Variants in ZNF687 observed in about 807,000 individuals in gnomAD.
ZNF687 encodes zinc finger protein 687.
ZNF687 carries 13 observed loss-of-function variants against 71.8 expected under a neutral mutation model. The ratio of observed to expected loss-of-function variants is 0.18; its 90% CI spans 0.12 to 0.29. The LOEUF (loss-of-function observed/expected upper bound fraction) is 0.29. ZNF687 is among the 10% of genes least tolerant of loss of function. The pLI, the probability that ZNF687 is intolerant of heterozygous loss-of-function variation, is 1.00. For missense variants in ZNF687, 1,412 were observed against 1,625.6 expected, an observed-to-expected ratio of 0.87 and a Z score of 2.26; for synonymous variants, 673 against 641.6, an observed-to-expected ratio of 1.05 and a Z score of -0.74.
Position 151,291,824 on chromosome 1 carries a change from T to C in ZNF687, c.*615T>C, listed in dbSNP as rs2101892443. The C allele has an allele frequency of 6.6e-6, 1 of 152,580 alleles. No homozygotes were observed. The highest frequency in any genetic ancestry group is 2.1e-4 in the South Asian group (1 of 4,820). 9.5% of individuals were successfully genotyped at this position (152,580 alleles called of 1,614,324 possible). The stretch of plus-strand genomic sequence containing the variant: ...CAGGCTCTCAGGAATCCTTTATTCT[T>C]GTAGTAATAATAATACTAACAAACA... On this transcript the variant is annotated 3_prime_UTR_variant, in exon 9 of 9. Coordinates refer to ENST00000336715, the MANE Select transcript of ZNF687 (RefSeq NM_020832.3).
Position 151,290,788 on chromosome 1 carries a change from A to G in ZNF687, c.3293A>G (p.Lys1098Arg), listed in dbSNP as rs746830644. The stretch of plus-strand genomic sequence containing the variant: ...CCTGACAGCACGACACCGCCAGCCA[A>G]GTCCCCCAGGGGCGGACCTGGATCT... ...EEPDSTTPPA[K>R]SPRGGPGSGG... Residue 1098 changes from lysine (K) to arginine (R), a missense_variant, in exon 9 of 9, where the codon AAG (lysine) becomes AGG (arginine). Transcript: ENST00000336715. 3 of 1,613,740 alleles carry G rather than the reference A, an allele frequency of 1.9e-6. No individual in the cohort carries two copies. The highest frequency in any genetic ancestry group is 1.3e-5 in the African/African-American group (1 of 75,044).
chr1:151,287,564 G>C lies in ZNF687; in HGVS notation c.1273G>C (p.Val425Leu). ...MAASVARKAV[V>L]LPGGTATSPK... ...AGCCAGTGTGGCTCGCAAGGCTGTGGTGCTGCCTGGGGGGACTGCCACCAG... is the reference window on the plus strand; with the variant it reads ...AGCCAGTGTGGCTCGCAAGGCTGTGCTGCTGCCTGGGGGGACTGCCACCAG... The change falls in exon 2 of 9, where the codon GTG becomes CTG. Residue 425 changes from valine (V) to leucine (L), a missense_variant. Val to Leu is a conservative substitution (Grantham distance 32). This residue lies in a region of ZNF687 where 133 missense variants were observed against 155.1 expected (regional missense o/e 0.86). Transcript: ENST00000336715. This position sits in a 1 kb window ranked among gnomAD's most constrained non-coding sequence, Gnocchi z 5.0. The C allele has an allele frequency of 6.2e-7, 1 of 1,614,076 alleles. No individual in the cohort carries two copies. The highest frequency in any genetic ancestry group is 1.1e-5 in the South Asian group (1 of 91,084).
chr1:151,286,821 T>G lies in ZNF687; in HGVS notation c.530T>G (p.Leu177Arg). 6.2e-7 allele frequency: 1 copy of G among 1,614,182 alleles called. No individual in the cohort carries two copies. Among genetic ancestry groups the G allele is most frequent in the Non-Finnish European group, 8.5e-7 (1 of 1,180,012 alleles). The part of the protein sequence containing the change: ...GPEPGDHSDP[L>R]PPSAPSPTRE... ...GAGCCAGGGGACCACTCAGATCCGC[T>G]GCCTCCCTCTGCACCCTCTCCCACT... The change falls in exon 2 of 9, where the codon CTG (leucine) becomes CGG (arginine). Residue 177 changes from leucine (L) to arginine (R), a missense_variant. This residue lies in a region of ZNF687 where 490 missense variants were observed against 489.9 expected (regional missense o/e 1.00). Coordinates refer to ENST00000336715, the MANE Select transcript of ZNF687 (RefSeq NM_020832.3).
rs774137890 is a variant in ZNF687, at chr1:151,286,689, C to T, written c.398C>T (p.Ser133Phe). 3.7e-5 allele frequency: 59 copies of T among 1,614,088 alleles called. No individual in the cohort carries two copies. Among genetic ancestry groups the T allele is most frequent in the Non-Finnish European group, 4.7e-5 (56 of 1,180,038 alleles). Reference sequence around the variant, plus strand: ...AATGGTTTTGGGAGCCCTGAACCTTCCCTCCCAGGAACTCCCCACTCTCCT... The same window carrying T: ...AATGGTTTTGGGAGCCCTGAACCTTTCCTCCCAGGAACTCCCCACTCTCCT... ...MQNGFGSPEP[S>F]LPGTPHSPAP... The change falls in exon 2 of 9, where the codon TCC (serine) becomes TTC (phenylalanine). Residue 133 changes from serine to phenylalanine, a missense_variant. This residue lies in a region of ZNF687 where 490 missense variants were observed against 489.9 expected (regional missense o/e 1.00). Coordinates refer to ENST00000336715, the MANE Select transcript of ZNF687 (RefSeq NM_020832.3).
intron 8 of ZNF687, 69 bp downstream of exon 8, chr1:151,290,642 C>T: frequency 6.3e-7 from 1 of 1,580,980 alleles, no homozygotes. Flanking sequence ...ACCATGGCCT[C>T]AGGAAGCGAG....
Position 151,287,279 on chromosome 1 carries a change from G to T in ZNF687, c.988G>T (p.Val330Leu), listed in dbSNP as rs1302521794. 6.2e-7 allele frequency: 1 copy of T among 1,614,166 alleles called. No individual in the cohort carries two copies. ...PASSSSRPLK[V>L]RIKTIKTSCG... The stretch of plus-strand genomic sequence containing the variant: ...CTCCAGCTCCTCTAGGCCTCTTAAG[G>T]TGCGGATCAAGACCATTAAAACATC... Residue 330 changes from valine to leucine, a missense_variant, in exon 2 of 9, where the codon GTG becomes TTG. Val to Leu is a conservative substitution (Grantham distance 32). Coordinates refer to ENST00000336715, the MANE Select transcript of ZNF687 (RefSeq NM_020832.3). This position sits in a 1 kb window ranked among gnomAD's most constrained non-coding sequence, Gnocchi z 5.0.
chr1:151,290,134 T>G lies in ZNF687; in HGVS notation c.2977T>G (p.Phe993Val). ...KKEHGKSVKK[F>V]PCRLCERSFC... ...CCTGCTCTCCTAGTCAGTGAAAAAG[T>G]TCCCCTGTCGCCTGTGTGAGCGCTC... Residue 993 changes from phenylalanine to valine, a missense_variant, in exon 7 of 9, where the codon TTC (phenylalanine) becomes GTC (valine). Transcript: ENST00000336715. The G allele has an allele frequency of 6.2e-7, 1 of 1,613,982 alleles. No individual in the cohort carries two copies.
In ZNF687 at chr1:151,289,699, T is replaced by C. The variant is rs1694117479; in HGVS notation, c.2656T>C (p.Leu886=). The change falls in exon 6 of 9, where the codon TTG becomes CTG. Residue 886 remains leucine (L), a synonymous_variant. Transcript: ENST00000336715. ...ACAGAACACCCATCAGTCTGGGCGC[T>C]TGGAGGAGACTGCTGGGAAAGGGGC... The part of the protein sequence containing the change: ...HLKNTHQSGR[L]EETAGKGAGG... 1 of 1,566,502 alleles carries C rather than the reference T, an allele frequency of 6.4e-7. No homozygotes were observed. The highest frequency in any genetic ancestry group is 8.7e-7 in the Non-Finnish European group (1 of 1,154,390).
At chr1:151,282,087 C>T, upstream of ZNF687, 1 of 1,282,642 alleles carries the variant, frequency 7.8e-7, no homozygotes. Flanking sequence ...GAGGTATCTT[C>T]AGAGGGCCTC....
At chr1:151,283,068 C>G in intron 1 of ZNF687, 1 of 982,296 alleles carries the variant, frequency 1.0e-6, no homozygotes. Flanking sequence ...CCCAAAGGGC[C>G]TGGCCTGGCT....
rs763163053 is a variant in ZNF687 at position 151,291,196 on chromosome 1, T to C, written c.3701T>C (p.Val1234Ala). 3.7e-6 allele frequency: 6 copies of C among 1,610,222 alleles called. No homozygotes were observed. The highest frequency in any genetic ancestry group is 5.1e-6 in the Non-Finnish European group (6 of 1,178,140). Reference protein sequence around the residue: ...MAFIRARQGAVGDN With the variant: ...MAFIRARQGAAGDN The stretch of plus-strand genomic sequence containing the variant: ...TTCATCAGGGCTCGGCAGGGGGCTG[T>C]TGGGGACAACTAGTCTCCAAGGCCT... Residue 1234 changes from valine to alanine, a missense_variant, in exon 9 of 9, where the codon GTT (valine) becomes GCT (alanine). By Grantham distance (64) the Val-to-Ala change is moderately conservative. Coordinates refer to ENST00000336715, the MANE Select transcript of ZNF687 (RefSeq NM_020832.3).
chr1:151,289,390 G>A lies in ZNF687; in HGVS notation c.2484G>A (p.Lys828=), dbSNP rs587670604. Reference sequence around the variant, plus strand: ...GTCCTCACTTCAGGCTGATCTACAAGTGCGCCATGTGCGACACAGTCTTCA... The same window carrying A: ...GTCCTCACTTCAGGCTGATCTACAAATGCGCCATGTGCGACACAGTCTTCA... ...FQTQQAKLIY[K]CAMCDTVFTH... is the part of the protein sequence containing the mutation. Residue 828 remains lysine, a synonymous_variant, in exon 5 of 9, where the codon AAG becomes AAA. Coordinates refer to ENST00000336715, the MANE Select transcript of ZNF687 (RefSeq NM_020832.3). 5.6e-4 allele frequency: 906 copies of A among 1,614,168 alleles called. 15 individuals carry two copies. The South Asian group carries it at 9.2e-3, about 16-fold the overall frequency.
chr1:151,283,389 A>G, intron 1 of ZNF687: 1 of 852,282 alleles, frequency 1.2e-6, no homozygotes, highest in Non-Finnish European at 1.4e-6. Flanking sequence ...CTTTTGGGGA[A>G]CCACAGAGGG....
chr1:151,281,685 C>T (rs1693718018), upstream of ZNF687: 1 of 449,748 alleles, frequency 2.2e-6, no homozygotes. Context: ...GCGATTTAGA[C>T]GGTGGGAAGA....
At position 151,291,518 on chromosome 1, in the gene ZNF687, G is replaced by A; in HGVS notation, c.*309G>A. On this transcript the variant is annotated 3_prime_UTR_variant, in exon 9 of 9. Coordinates refer to ENST00000336715, the MANE Select transcript of ZNF687 (RefSeq NM_020832.3). Reference sequence around the variant, plus strand: ...GGGTGGGAGGATGGGACTTAGGTATGCCTGCTAGACAGGTTCAGGGAAGGA... The same window carrying A: ...GGGTGGGAGGATGGGACTTAGGTATACCTGCTAGACAGGTTCAGGGAAGGA... 1 of 330,016 alleles carries A rather than the reference G, an allele frequency of 3.0e-6. No individual in the cohort carries two copies. The highest frequency in any genetic ancestry group is 5.7e-6 in the Non-Finnish European group (1 of 175,604). 20.4% of individuals were successfully genotyped at this position (330,016 alleles called of 1,614,324 possible). A position where few individuals can be genotyped will look rare whatever the true frequency, so the allele number is the denominator to read the frequency against.
chr1:151,288,713 C>G lies in ZNF687; in HGVS notation c.2294+7C>G. On this transcript the variant is annotated splice_region_variant and intron_variant, in intron 3 of 8. Transcript: ENST00000336715. ...CTCGCCGTGTAGGATACAGGTGCCT[C>G]GGACCCTTCCTCCATAGAACTGTAG... The G allele has an allele frequency of 6.2e-7, 1 of 1,607,358 alleles. No individual in the cohort carries two copies. The highest frequency in any genetic ancestry group is 8.5e-7 in the Non-Finnish European group (1 of 1,176,102).
In ZNF687 at chr1:151,286,872, C is replaced by T; in HGVS notation, c.581C>T (p.Pro194Leu). 1 of 1,613,446 alleles carries T rather than the reference C, an allele frequency of 6.2e-7. No individual in the cohort carries two copies. Among genetic ancestry groups the T allele is most frequent in the African/African-American group, 1.3e-5 (1 of 75,042 alleles). ...CGGGAGGGGGCTCTGACCCCGCCTC[C>T]TTTCCCCTCTTCCTTTGAGCTGGCC... Reference protein sequence around the residue: ...PTREGALTPPPFPSSFELAQE... With the variant: ...PTREGALTPPLFPSSFELAQE... The change falls in exon 2 of 9, where the codon CCT (proline) becomes CTT (leucine). Residue 194 changes from proline to leucine, a missense_variant. By Grantham distance (98) the Pro-to-Leu change is moderately conservative. Around this residue, in one of 8 missense-constraint regions of ZNF687, gnomAD observed 490 missense variants for 489.9 expected, o/e 1.00. Coordinates refer to ENST00000336715, the MANE Select transcript of ZNF687 (RefSeq NM_020832.3).
chr1:151,290,382 C>T, intron 7 of ZNF687, 50 bp from the exon 8 acceptor site: 1 of 1,613,392 alleles, frequency 6.2e-7, no homozygotes, highest in African/African-American at 1.3e-5. Flanking sequence ...AGCAAGGGCC[C>T]TGGCCTTCGG....
chr1:151,290,292 A>C (rs1486909653), intron 7 of ZNF687, 58 bp downstream of exon 7: 12 of 1,609,202 alleles, frequency 7.5e-6, no homozygotes, highest in Admixed American at 1.7e-5. Context: ...CCTGTATGCC[A>C]AAGTACCTGT....
Sources: gnomAD v4.1 joint callset for allele counts on GRCh38, gnomAD v4.1.1 for gene constraint, gnomAD v4.1.1 regional missense constraint, Gnocchi (gnomAD v3.1) non-coding constraint, MANE v1.5 for transcripts, NCBI Gene and HGNC (gene_info 2026-07-23, HGNC 2026-07-21) for gene names.